Variants in MYO18A observed in about 807,000 individuals in gnomAD.
The protein encoded by MYO18A is unconventional myosin-XVIIIa.
A neutral mutation model predicts 235.8 loss-of-function variants in MYO18A; 78 were observed. The observed-to-expected ratio is 0.33, with a 90% CI of 0.28 to 0.40. MYO18A has a LOEUF of 0.40. MYO18A is among the 10% of genes least tolerant of loss of function. The probability of loss-of-function intolerance (pLI) is 1.00; values close to 1 mark genes in which losing one functional copy is unlikely to be tolerated. For missense variants in MYO18A, 2,215 were observed against 2,699.3 expected, an observed-to-expected ratio of 0.82 and a Z score of 3.98; for synonymous variants, 977 against 1,077.8, an observed-to-expected ratio of 0.91 and a Z score of 1.83.
At chr17:29,095,825 A>G (rs2066506451) in intron 28 of MYO18A, among the ~76,000 whole-genome samples, 1 of 152,208 alleles carries the variant, frequency 6.6e-6, no homozygotes, top group Non-Finnish European at 1.5e-5. Context: ...CTGAAACCTA[A>G]TAAGTTGCCC....
At chr17:29,103,498 T>A in intron 21 of MYO18A, 101 bp downstream of exon 21, 1 of 1,181,818 alleles carries the variant, frequency 8.5e-7, no homozygotes, top group Non-Finnish European at 1.2e-6. Flanking sequence ...ACCAGGAGAC[T>A]GGTGATGTCT....
chr17:29,099,644 T>C lies in MYO18A; in HGVS notation c.3626A>G (p.Lys1209Arg), dbSNP rs2066608202. The C allele has an allele frequency of 6.2e-7, 1 of 1,613,484 alleles. No homozygotes were observed. The highest frequency in any genetic ancestry group is 1.7e-5 in the Admixed American group (1 of 59,958). Reference protein sequence around the residue: ...CRGYLARQHFKKRKIQDLAIR... With the variant: ...CRGYLARQHFRKRKIQDLAIR... ...TCTCTAGAGCAGCACCTTTCTCTTCTTGAAGTGCTGGCGGGCCAGGTAGCC... is the reference window on the plus strand; with the variant it reads ...TCTCTAGAGCAGCACCTTTCTCTTCCTGAAGTGCTGGCGGGCCAGGTAGCC... The change falls in exon 22 of 42, where the codon AAG becomes AGG. Residue 1209 changes from lysine (K) to arginine (R), a missense_variant. By Grantham distance (26) the Lys-to-Arg change is conservative (BLOSUM62 2). Transcript: ENST00000527372.
At chr17:29,175,293 G>A (rs1335438174) in intron 1 of MYO18A, among the ~76,000 whole-genome samples, 2 of 151,038 alleles carry the variant, frequency 1.3e-5, no homozygotes, top group Non-Finnish European at 2.9e-5. Flanking sequence ...TCTGGTAAAT[G>A]TGTATTTGCT....
intron 2 of MYO18A, among the ~76,000 whole-genome samples, chr17:29,156,237 C>T (rs2068063622): frequency 6.6e-6 from 1 of 152,272 alleles, no homozygotes; most frequent in Non-Finnish European, 1.5e-5. Context: ...ATTCCAGCCC[C>T]TCAGAGACCT....
chr17:29,099,599 G>C lies in MYO18A; in HGVS notation c.3636+35C>G, dbSNP rs199756390. The C allele has an allele frequency of 7.5e-6, 12 of 1,604,204 alleles. No homozygotes were observed. In the African/African-American group the frequency reaches 1.6e-4, roughly 21 times the overall value. The stretch of plus-strand genomic sequence containing the variant: ...CAGGAACTTGGCTGTGCCCATCTAG[G>C]TTGGGGAGGGGGAGGGATGTCTCTA... On this transcript the variant is annotated intron_variant, in intron 22 of 41. Transcript: ENST00000527372.
Position 29,073,717 on chromosome 17 carries a change from G to A in MYO18A, c.*1053C>T, listed in dbSNP as rs2152702960. 2.2e-6 allele frequency: 2 copies of A among 901,004 alleles called. No homozygotes were observed. The highest frequency in any genetic ancestry group is 5.0e-5 in the East Asian group (2 of 40,182). The allele number at this position is 901,004 out of a possible 1,614,324, so 55.8% of individuals were successfully genotyped here. ...GGGGGCTGGGACCTCCAGACCACAT[G>A]GTGTTGTGTCTGGGATAAGTGTGTG... On this transcript the variant is annotated 3_prime_UTR_variant, in exon 42 of 42. Transcript: ENST00000527372.
intron 35 of MYO18A, 91 bp downstream of exon 35, chr17:29,090,719 C>T: frequency 6.5e-7 from 1 of 1,537,418 alleles, no homozygotes; most frequent in Non-Finnish European, 9.0e-7. Flanking sequence ...TCCATCACCT[C>T]CCAAAACAAG....
At position 29,110,576 on chromosome 17, in the gene MYO18A, C is replaced by A. The variant is rs1003359322; in HGVS notation, c.2947G>T (p.Val983Leu). Residue 983 changes from valine to leucine, a missense_variant, in exon 18 of 42, where the codon GTG (valine) becomes TTG (leucine). Val to Leu is a conservative substitution (Grantham distance 32, BLOSUM62 1). Coordinates refer to ENST00000527372, the MANE Select transcript of MYO18A (RefSeq NM_078471.4). Reference protein sequence around the residue: ...LFLGRAGSATVLSGSIAGLEG... With the variant: ...LFLGRAGSATLLSGSIAGLEG... ...AGGCCCGCGATGGAGCCAGAGAGCA[C>A]CGTGGCACTGCCTGCGCGGCCCAGA... is the stretch of plus-strand genomic sequence containing the variant. 1 of 1,612,098 alleles carries A rather than the reference C, an allele frequency of 6.2e-7. No homozygotes were observed. The highest frequency in any genetic ancestry group is 8.5e-7 in the Non-Finnish European group (1 of 1,178,990).
Position 29,128,549 on chromosome 17 carries a change from A to G in MYO18A, c.1000-6296T>C, listed in dbSNP as rs954552696. 1.4e-5 allele frequency: 17 copies of G among 1,238,522 alleles called. No individual in the cohort carries two copies. In the East Asian group the frequency reaches 8.7e-4, roughly 63 times the overall value. 76.7% of individuals were successfully genotyped at this position (1,238,522 alleles called of 1,614,324 possible). A position where few individuals can be genotyped will look rare whatever the true frequency, so the allele number is the denominator to read the frequency against. On this transcript the variant is annotated intron_variant, in intron 2 of 41. Transcript: ENST00000527372. ...TTCCTTTGAGCTGCCCTCTAGCTAC[A>G]GTCATACAAATACAGGTAGACATTA...
rs564600148 is a variant in MYO18A, at chr17:29,109,398, C to T, written c.3331+460G>A. Among the ~76,000 whole-genome samples the T allele has an allele frequency of 1.8e-4, 28 of 152,282 alleles. No individual in the cohort carries two copies. Among genetic ancestry groups the T allele is most frequent in the Admixed American group, 5.2e-4 (8 of 15,296 alleles). On this transcript the variant is annotated intron_variant, in intron 19 of 41. Coordinates refer to ENST00000527372, the MANE Select transcript of MYO18A (RefSeq NM_078471.4). The surrounding 1 kb of genome is among the most constrained non-coding windows in gnomAD (Gnocchi z 4.1). ...CCACTAATACTATCATCCTGTCTGT[C>T]GCCTCCTTTAGATGGGTCCATAAAA...
intron 30 of MYO18A, 31 bp from the exon 31 acceptor site, chr17:29,094,121 C>T (rs1336258543): frequency 1.3e-6 from 2 of 1,545,168 alleles, no homozygotes; most frequent in African/African-American, 1.4e-5. Context: ...GTCTGGGTTC[C>T]CTCCCCAGCT....
intron 2 of MYO18A, among the ~76,000 whole-genome samples, chr17:29,154,205 C>A (rs1297622913): frequency 6.6e-6 from 1 of 152,068 alleles, no homozygotes; most frequent in African/African-American, 2.4e-5. Context: ...TGGTTCTCTT[C>A]CCCAGGTCGA....
chr17:29,109,964 G>C lies in MYO18A; in HGVS notation c.3225C>G (p.Pro1075=). The change falls in exon 19 of 42, where the codon CCC becomes CCG. Residue 1075 remains proline, a synonymous_variant. Transcript: ENST00000527372. The surrounding 1 kb of genome is among the most constrained non-coding windows in gnomAD (Gnocchi z 4.1). The part of the protein sequence containing the change: ...RVSSSSELDL[P]SGDHCEAGLL... Reference sequence around the variant, plus strand: ...GCCCAGCCTCGCAGTGGTCTCCCGAGGGCAGGTCCAGCTCACTGCTGCTGC... The same window carrying C: ...GCCCAGCCTCGCAGTGGTCTCCCGACGGCAGGTCCAGCTCACTGCTGCTGC... 1.2e-6 allele frequency: 2 copies of C among 1,610,952 alleles called. No individual in the cohort carries two copies. The highest frequency in any genetic ancestry group is 1.7e-6 in the Non-Finnish European group (2 of 1,178,834).
chr17:29,097,663 T>C (rs773072430), intron 26 of MYO18A, 125 bp downstream of exon 26: 7 of 826,432 alleles, frequency 8.5e-6, no homozygotes, highest in Non-Finnish European at 1.3e-5. Context: ...TGCCTTCTCA[T>C]CTGTTTCTTT....
Position 29,074,660 on chromosome 17 carries a change from A to T in MYO18A, c.*110T>A. The T allele has an allele frequency of 8.1e-7, 1 of 1,234,030 alleles. No individual in the cohort carries two copies. Among genetic ancestry groups the T allele is most frequent in the Non-Finnish European group, 1.2e-6 (1 of 852,488 alleles). 76.4% of individuals were successfully genotyped at this position (1,234,030 alleles called of 1,614,324 possible). Reference sequence around the variant, plus strand: ...ACAGAAGAAGGTCAGGGTGTTTCCCATGCAGATCAGCAGTCGGGTGGGGGA... The same window carrying T: ...ACAGAAGAAGGTCAGGGTGTTTCCCTTGCAGATCAGCAGTCGGGTGGGGGA... On this transcript the variant is annotated 3_prime_UTR_variant, in exon 42 of 42. Transcript: ENST00000527372. The surrounding 1 kb of genome is among the most constrained non-coding windows in gnomAD (Gnocchi z 4.4).
At chr17:29,081,156 C>A (rs1158899551) in intron 41 of MYO18A, among the ~76,000 whole-genome samples, 1 of 152,142 alleles carries the variant, frequency 6.6e-6, no homozygotes. Context: ...ACGGCAGCAG[C>A]CCTGGCAAAG....
Position 29,126,121 on chromosome 17 carries a change from T to A in MYO18A, c.1000-3868A>T, listed in dbSNP as rs1398178893. ...AATCTGAGTTTTTAAACCATCAGAT[T>A]AGAAAAAAAAGAACAAGTGCCTGGG... On this transcript the variant is annotated intron_variant, in intron 2 of 41. Transcript: ENST00000527372. The surrounding 1 kb of genome is among the most constrained non-coding windows in gnomAD (Gnocchi z 4.1). Among the ~76,000 whole-genome samples, 3 of 152,040 alleles carry A rather than the reference T, an allele frequency of 2.0e-5. No individual in the cohort carries two copies. In the East Asian group the frequency reaches 5.8e-4, roughly 29 times the overall value.
At position 29,109,275 on chromosome 17, in the gene MYO18A, C is replaced by A. The variant is rs2066869751; in HGVS notation, c.3331+583G>T. Among the ~76,000 whole-genome samples the A allele has an allele frequency of 6.6e-6, 1 of 152,158 alleles. No individual in the cohort carries two copies. The highest frequency in any genetic ancestry group is 2.1e-4 in the South Asian group (1 of 4,832). On this transcript the variant is annotated intron_variant, in intron 19 of 41. Transcript: ENST00000527372. This position sits in a 1 kb window ranked among gnomAD's most constrained non-coding sequence, Gnocchi z 4.1. ...GAGCTGTGTGACCTTGGGCAAGCTA[C>A]TTAACCTCTCTGAGCCTCAGTCTCC...
chr17:29,154,121 T>TGTGTGTGTGCGCGC (rs142430455), intron 2 of MYO18A, among the ~76,000 whole-genome samples: 7 of 149,000 alleles, frequency 4.7e-5, no homozygotes, highest in East Asian at 4.0e-4. Context: ...TGTGTGTGTG[T>TGTGTGTGTGCGCGC]GCGCGCGCGT....
Sources: allele counts gnomAD v4.1 joint callset (sites outside exome capture counted in the v4.1 genomes callset), GRCh38; gene constraint gnomAD v4.1.1; non-coding constraint Gnocchi (gnomAD v3.1); transcripts MANE v1.5; gene names NCBI Gene and HGNC (gene_info 2026-07-23, HGNC 2026-07-21).